Variants in TEP1 observed in about 807,000 individuals in gnomAD.
The protein encoded by TEP1 is telomerase associated protein 1.
Under a neutral mutation model 306.3 loss-of-function variants are expected in TEP1, and 241 were observed. The observed-to-expected ratio is 0.79, with a 90% CI of 0.71 to 0.88. The LOEUF (loss-of-function observed/expected upper bound fraction) is 0.88, where lower values mean the gene tolerates loss of function less well. TEP1 is among the 40% of genes least tolerant of loss of function. The pLI is 0.00. For synonymous variants in TEP1, 1,289 were observed against 1,305.5 expected, an observed-to-expected ratio of 0.99 and a Z score of 0.27; for missense variants, 3,051 against 3,276.1, an observed-to-expected ratio of 0.93 and a Z score of 1.68.
intron 15 of TEP1, 22 bp from the exon 16 acceptor site, chr14:20,389,762 G>T (rs201345072): frequency 3.0e-5 from 48 of 1,613,404 alleles, no homozygotes; most frequent in Non-Finnish European, 3.7e-5. Flanking sequence ...AAAGGGAGAA[G>T]ATGCTAGAGA....
At chr14:20,410,015 T>C (rs1436804744) in intron 1 of TEP1, among the ~76,000 whole-genome samples, 11 of 53,474 alleles carry the variant, frequency 2.1e-4, no homozygotes, top group East Asian at 1.0e-3. Context: ...AGCAAGACTC[T>C]GTCTCAAAAA....
chr14:20,403,119 T>C (rs924639149), intron 7 of TEP1, among the ~76,000 whole-genome samples: 3 of 137,686 alleles, frequency 2.2e-5, no homozygotes, highest in Non-Finnish European at 4.5e-5. Context: ...ACCGTGCCAC[T>C]GCAGCTCTCC....
Position 20,407,875 on chromosome 14 carries a change from A to G in TEP1, c.565T>C (p.Leu189=). 6.3e-7 allele frequency: 1 copy of G among 1,588,556 alleles called. No individual in the cohort carries two copies. The highest frequency in any genetic ancestry group is 8.6e-7 in the Non-Finnish European group (1 of 1,166,986). Residue 189 remains leucine, a splice_region_variant and synonymous_variant, in exon 2 of 55, where the codon TTG becomes CTG. Transcript: ENST00000262715. ...SATETAQEAT[L]GRWFDSEEKK... ...AGATGAGTGCCTGGAGCTATTACCA[A>G]AGTTGCTTCCTGAGCTGTCTCTGTG...
Position 20,368,372 on chromosome 14 carries a change from T to C in TEP1, c.*65A>G. 2.0e-6 allele frequency: 3 copies of C among 1,535,702 alleles called. No homozygotes were observed. In the South Asian group the frequency reaches 3.7e-5, roughly 19 times the overall value. ...TATTAATTTTATAATTATTAAAAGC[T>C]ACCAGTGTCTTCAGGCTTTGCATCT... On this transcript the variant is annotated 3_prime_UTR_variant, in exon 55 of 55. Coordinates refer to ENST00000262715, the MANE Select transcript of TEP1 (RefSeq NM_007110.5).
At chr14:20,385,177 G>C in intron 20 of TEP1, 68 bp from the exon 21 acceptor site, 1 of 1,594,148 alleles carries the variant, frequency 6.3e-7, no homozygotes, top group East Asian at 2.2e-5. Flanking sequence ...GACCTGCCAA[G>C]GCCCCAGGAC....
intron 24 of TEP1, 41 bp downstream of exon 24, chr14:20,383,974 TGCCTTACCTCCTTAGCCCACACA>T: frequency 6.3e-7 from 1 of 1,588,192 alleles, no homozygotes; most frequent in Non-Finnish European, 8.6e-7. Flanking sequence ...GAGCTCCCTG[TGCCTTACCTCCTTAGCCCACACA>T]GCCTTCCCTC....
At position 20,389,851 on chromosome 14, in the gene TEP1, C is replaced by A. The variant is rs552965461; in HGVS notation, c.2335-111G>T. On this transcript the variant is annotated intron_variant, in intron 15 of 54. Transcript: ENST00000262715. ...GATTAGGAGAACTCTGAGAGGAGTA[C>A]CTCTCCTGAGAGCACATAGAATGAG... 7.8e-6 allele frequency: 11 copies of A among 1,403,746 alleles called. No individual in the cohort carries two copies. In the East Asian group the frequency reaches 2.1e-4, roughly 27 times the overall value. The allele number at this position is 1,403,746 out of a possible 1,614,324, so 87.0% of individuals were successfully genotyped here.
At position 20,373,696 on chromosome 14, in the gene TEP1, C is replaced by T. The variant is rs780214677; in HGVS notation, c.6586G>A (p.Ala2196Thr). 1 of 1,614,078 alleles carries T rather than the reference C, an allele frequency of 6.2e-7. No homozygotes were observed. The highest frequency in any genetic ancestry group is 8.5e-7 in the Non-Finnish European group (1 of 1,180,058). Reference sequence around the variant, plus strand: ...TTGTTACCTGCACGGGGCTCCATGGCAGCTGCACAGTGGCTAATGGGTCCT... The same window carrying T: ...TTGTTACCTGCACGGGGCTCCATGGTAGCTGCACAGTGGCTAATGGGTCCT... ...HSGPISHCAA[A>T]MEPRAAGQPG... Residue 2196 changes from alanine (A) to threonine (T), a missense_variant, in exon 45 of 55, where the codon GCC (alanine) becomes ACC (threonine). Physicochemically the swap from Ala to Thr is moderately conservative, Grantham distance 58. Coordinates refer to ENST00000262715, the MANE Select transcript of TEP1 (RefSeq NM_007110.5).
At chr14:20,377,120 CAGG>C (rs1451068855) in intron 41 of TEP1, among the ~76,000 whole-genome samples, 157 bp downstream of exon 41, 1 of 151,704 alleles carries the variant, frequency 6.6e-6, no homozygotes, top group Non-Finnish European at 1.5e-5. Flanking sequence ...GAGGCCGAGA[CAGG>C]AGAATTGCTT....
At chr14:20,401,804 C>T (rs992142376) in intron 7 of TEP1, among the ~76,000 whole-genome samples, 1 of 152,166 alleles carries the variant, frequency 6.6e-6, no homozygotes, top group Non-Finnish European at 1.5e-5. Flanking sequence ...CTGTTTCATT[C>T]ACACAAGCAG....
intron 53 of TEP1, 77 bp downstream of exon 53, chr14:20,369,267 C>T (rs1490377627): frequency 2.7e-6 from 4 of 1,504,216 alleles, no homozygotes; most frequent in Non-Finnish European, 3.7e-6. Context: ...CTAGGCCTCC[C>T]AAAGTGCTGG....
At position 20,375,853 on chromosome 14, in the gene TEP1, C is replaced by G. The variant is rs1885144469; in HGVS notation, c.6265G>C (p.Asp2089His). The G allele has an allele frequency of 1.9e-6, 3 of 1,612,706 alleles. No homozygotes were observed. The highest frequency in any genetic ancestry group is 2.5e-6 in the Non-Finnish European group (3 of 1,179,200). ...GGRDRSLLCW[D>H]VRTPKTPVLI... ...ACAGGGGTTTTGGGTGTCCTCACGT[C>G]CCAGCAGAGGAGACTCTGGATAGGC... Residue 2089 changes from aspartate to histidine, a missense_variant, in exon 43 of 55, where the codon GAC (aspartate) becomes CAC (histidine). By Grantham distance (81) the Asp-to-His change is moderately conservative. This residue lies in a region of TEP1 where 1,540 missense variants were observed against 1,705.9 expected (regional missense o/e 0.90). Coordinates refer to ENST00000262715, the MANE Select transcript of TEP1 (RefSeq NM_007110.5).
intron 2 of TEP1, 137 bp from the exon 3 acceptor site, chr14:20,406,537 C>CA (rs1879190946): frequency 1.2e-6 from 1 of 860,528 alleles, no homozygotes; most frequent in Admixed American, 2.1e-5. Flanking sequence ...TCTCCCTTCA[C>CA]ACACCAGCAC....
chr14:20,386,909 T>A (rs544121783), intron 18 of TEP1, among the ~76,000 whole-genome samples: 1 of 152,182 alleles, frequency 6.6e-6, no homozygotes, highest in East Asian at 1.9e-4. Context: ...ACTATCATTA[T>A]CTCCATTTTA....
chr14:20,400,075 T>A (rs1258648986), intron 9 of TEP1, among the ~76,000 whole-genome samples: 1 of 145,760 alleles, frequency 6.9e-6, no homozygotes, highest in Non-Finnish European at 1.5e-5. Flanking sequence ...AGGCAGAAGT[T>A]GCAGTGAGCC....
chr14:20,380,361 T>C lies in TEP1; in HGVS notation c.4877A>G (p.Gln1626Arg). ...GTCCAGGGGCTGGTTGGCTGCCTGC[T>C]GGGGCAGGAGCCGGGGGTACTGGCT... ...ILSQYPRLLP[Q>R]QAANQPLDSP... The change falls in exon 34 of 55, where the codon CAG (glutamine) becomes CGG (arginine). Residue 1626 changes from glutamine to arginine, a missense_variant. Around this residue, in one of 3 missense-constraint regions of TEP1, gnomAD observed 1,540 missense variants for 1,705.9 expected, o/e 0.90. Transcript: ENST00000262715. 1 of 1,614,206 alleles carries C rather than the reference T, an allele frequency of 6.2e-7. No individual in the cohort carries two copies. Among genetic ancestry groups the C allele is most frequent in the Non-Finnish European group, 8.5e-7 (1 of 1,180,030 alleles).
rs137952698 is a variant in TEP1, at chr14:20,383,865, T to A, written c.3588A>T (p.Leu1196Phe). 3.7e-4 allele frequency: 596 copies of A among 1,603,760 alleles called. 2 individuals are homozygous for A. The highest frequency in any genetic ancestry group is 4.8e-4 in the Non-Finnish European group (567 of 1,179,230). Residue 1196 changes from leucine (L) to phenylalanine (F), a missense_variant, in exon 25 of 55, where the codon TTA becomes TTT. Physicochemically the swap from Leu to Phe is conservative, Grantham distance 22. Around this residue, in one of 3 missense-constraint regions of TEP1, gnomAD observed 1,507 missense variants for 1,550.5 expected, o/e 0.97. Transcript: ENST00000262715. ...QAPDGAKVAS[L>F]VFFHFSGARP... ...GAGCCCCAGAAAAGTGGAAGAAGACTAATGATGCCACCTTGGCCCCATCAG... is the reference window on the plus strand; with the variant it reads ...GAGCCCCAGAAAAGTGGAAGAAGACAAATGATGCCACCTTGGCCCCATCAG...
In TEP1 at chr14:20,368,334, A is replaced by AT; in HGVS notation, c.*102dup. ...GATTTTTTGACACTTCATTTTTATAATTATCAAGAAATTATTAATTTTATA... is the reference window on the plus strand; with the variant it reads ...GATTTTTTGACACTTCATTTTTATAATTTATCAAGAAATTATTAATTTTATA... On this transcript the variant is annotated 3_prime_UTR_variant, in exon 55 of 55. Transcript: ENST00000262715. 7.4e-7 allele frequency: 1 copy of AT among 1,360,010 alleles called. No homozygotes were observed. Among genetic ancestry groups the AT allele is most frequent in the Non-Finnish European group, 9.8e-7 (1 of 1,018,642 alleles). The allele number at this position is 1,360,010 out of a possible 1,614,324, so 84.2% of individuals were successfully genotyped here.
At position 20,401,527 on chromosome 14, in the gene TEP1, G is replaced by C. The variant is rs199976166; in HGVS notation, c.1321C>G (p.Leu441Val). The C allele has an allele frequency of 1.4e-5, 22 of 1,614,240 alleles. No individual in the cohort carries two copies. In the Admixed American group the frequency reaches 3.2e-4, roughly 23 times the overall value. Residue 441 changes from leucine to valine, a missense_variant, in exon 8 of 55, where the codon CTG becomes GTG. Coordinates refer to ENST00000262715, the MANE Select transcript of TEP1 (RefSeq NM_007110.5). Reference protein sequence around the residue: ...SEKKNPPRFTLKKLVQRLHIH... With the variant: ...SEKKNPPRFTVKKLVQRLHIH... ...TGCAGTCGCTGAACCAGCTTCTTCA[G>C]GGTGAACCTTGGAGGATTCTTTTTC...
Sources: gnomAD v4.1 joint callset for allele counts (sites outside exome capture counted in the v4.1 genomes callset) on GRCh38, gnomAD v4.1.1 for gene constraint, gnomAD v4.1.1 regional missense constraint, MANE v1.5 for transcripts, NCBI Gene and HGNC (gene_info 2026-07-23, HGNC 2026-07-21) for gene names.